TENM3: variants seen among roughly 807,000 people sequenced by gnomAD.
TENM3 encodes the protein teneurin transmembrane protein 3.
A neutral mutation model predicts 255.1 loss-of-function variants in TENM3; 63 were observed. The observed-to-expected ratio is 0.25, with a 90% CI of 0.20 to 0.30. TENM3 has a LOEUF of 0.30. Among genes scored for constraint, TENM3 ranks in the 10% least tolerant of loss-of-function variants. The pLI is 1.00. For synonymous variants in TENM3, 1,306 were observed against 1,322.3 expected (o/e 0.99, Z 0.27); for missense variants, 2,929 against 3,461.1 (o/e 0.85, Z 3.86).
the TENM3 span, among the ~76,000 whole-genome samples, chr4:181,531,055 A>C: frequency 6.6e-6 from 1 of 152,122 alleles, no homozygotes; most frequent in Middle Eastern, 3.2e-3. Flanking sequence ...ATAATGAATG[A>C]CTATTAGCAT....
At chr4:181,762,720 C>T in the TENM3 span, among the ~76,000 whole-genome samples, 5 of 152,244 alleles carry the variant, frequency 3.3e-5, no homozygotes, top group African/African-American at 1.2e-4. Flanking sequence ...ACCCCATTAT[C>T]AAAACTTCTT....
the TENM3 span, among the ~76,000 whole-genome samples, chr4:181,814,587 C>CGTGTGTGT: frequency 4.3e-3 from 636 of 149,484 alleles, 6 homozygotes; most frequent in African/African-American, 0.015. Context: ...TTTTTAAATG[C>CGTGTGTGT]GTGTGTGTGT....
At chr4:182,282,746 A>C (rs1196872853) in intron 1 of TENM3, among the ~76,000 whole-genome samples, 1 of 152,018 alleles carries the variant, frequency 6.6e-6, no homozygotes, top group African/African-American at 2.4e-5. Flanking sequence ...TACAAAAACT[A>C]GCTGGATGTG....
intron 3 of TENM3, among the ~76,000 whole-genome samples, chr4:182,386,163 T>C (rs1476411993): frequency 6.6e-6 from 1 of 152,238 alleles, no homozygotes; most frequent in Non-Finnish European, 1.5e-5. Flanking sequence ...AGTATCTTTG[T>C]GCCTTTTGTT....
At chr4:182,530,441 A>G (rs1051849440) in intron 3 of TENM3, among the ~76,000 whole-genome samples, 2 of 152,224 alleles carry the variant, frequency 1.3e-5, no homozygotes, top group Non-Finnish European at 2.9e-5. Flanking sequence ...GGGAATGTAC[A>G]CATTAAAGCT....
rs756823034 is a variant in TENM3, at chr4:182,751,898, C to T, written c.3728C>T (p.Ser1243Leu). The T allele has an allele frequency of 6.2e-7, 1 of 1,613,800 alleles. No homozygotes were observed. Among genetic ancestry groups the T allele is most frequent in the Non-Finnish European group, 8.5e-7 (1 of 1,179,860 alleles). The change falls in exon 20 of 28, where the codon TCA (serine) becomes TTA (leucine). Residue 1243 changes from serine to leucine, a missense_variant. By Grantham distance (145) the Ser-to-Leu change is moderately radical. Around this residue, in one of 6 missense-constraint regions of TENM3, gnomAD observed 1,608 missense variants for 1,884.4 expected, o/e 0.85. Coordinates refer to ENST00000511685, the MANE Select transcript of TENM3 (RefSeq NM_001080477.4). The stretch of plus-strand genomic sequence containing the variant: ...ACCCGCAGAATTTATCGCCCAAAGT[C>T]ACTTACGGGGGCAAAAGACTTGACT... ...TNTRRIYRPK[S>L]LTGAKDLTKN...
the TENM3 span, among the ~76,000 whole-genome samples, chr4:181,711,514 A>AT: frequency 6.6e-6 from 1 of 152,198 alleles, no homozygotes; most frequent in Admixed American, 6.5e-5. Flanking sequence ...AAACAATCCT[A>AT]TTTGACATTT....
At chr4:181,531,770 C>T in the TENM3 span, among the ~76,000 whole-genome samples, 13 of 152,254 alleles carry the variant, frequency 8.5e-5, no homozygotes, top group Middle Eastern at 3.4e-3. Flanking sequence ...TGTGTGTACA[C>T]GGGACTGGGG....
At chr4:181,913,118 C>G in the TENM3 span, among the ~76,000 whole-genome samples, 1 of 152,134 alleles carries the variant, frequency 6.6e-6, no homozygotes, top group Admixed American at 6.6e-5. Flanking sequence ...AGAAAATAGA[C>G]CGGGATGAGC....
the TENM3 span, among the ~76,000 whole-genome samples, chr4:181,678,984 C>T: frequency 6.6e-6 from 1 of 151,998 alleles, no homozygotes; most frequent in African/African-American, 2.4e-5. Flanking sequence ...TCTGTTAAAG[C>T]AAACTAAATA....
chr4:182,603,837 A>G (rs1262643860), intron 4 of TENM3, among the ~76,000 whole-genome samples: 1 of 149,496 alleles, frequency 6.7e-6, no homozygotes, highest in Non-Finnish European at 1.5e-5. Flanking sequence ...CTGCCACTTA[A>G]AGGTTATAAG....
At chr4:182,575,479 G>C (rs1026972986) in intron 3 of TENM3, among the ~76,000 whole-genome samples, 1 of 152,198 alleles carries the variant, frequency 6.6e-6, no homozygotes, top group Admixed American at 6.5e-5. Context: ...TGTTACGGAA[G>C]TAGATGGCAG....
At chr4:182,147,401 A>C (rs1750044446) in intron 1 of TENM3, among the ~76,000 whole-genome samples, 1 of 152,190 alleles carries the variant, frequency 6.6e-6, no homozygotes, top group African/African-American at 2.4e-5. Flanking sequence ...AACAAAGCCA[A>C]GTTTATTAGT....
intron 3 of TENM3, among the ~76,000 whole-genome samples, chr4:182,434,298 G>C (rs1771884349): frequency 6.6e-6 from 1 of 152,152 alleles, no homozygotes; most frequent in South Asian, 2.1e-4. Flanking sequence ...AGCAGGACCT[G>C]TTTTTGGAAA....
chr4:181,996,265 A>G, the TENM3 span, among the ~76,000 whole-genome samples: 4 of 152,124 alleles, frequency 2.6e-5, no homozygotes, highest in African/African-American at 9.7e-5. Flanking sequence ...GCAGACAGTG[A>G]AGGATGAAGT....
chr4:182,333,148 T>C (rs953882446), intron 2 of TENM3, among the ~76,000 whole-genome samples: 1 of 152,186 alleles, frequency 6.6e-6, no homozygotes, highest in Non-Finnish European at 1.5e-5. Flanking sequence ...GTTTAATGTT[T>C]AAAAATCTAT....
chr4:182,022,218 C>A, the TENM3 span, among the ~76,000 whole-genome samples: 1 of 151,914 alleles, frequency 6.6e-6, no homozygotes, highest in African/African-American at 2.4e-5. Context: ...TGCTATGCAG[C>A]CACAAACAGA....
chr4:181,808,997 C>T, the TENM3 span, among the ~76,000 whole-genome samples: 39 of 152,162 alleles, frequency 2.6e-4, no homozygotes, highest in South Asian at 1.0e-3. Flanking sequence ...ACAAAAGCCA[C>T]GCCAAATATT....
chr4:181,641,805 CATATATATATATATAT>C, the TENM3 span, among the ~76,000 whole-genome samples: 16 of 31,440 alleles, frequency 5.1e-4, no homozygotes, highest in African/African-American at 1.3e-3. Flanking sequence ...ACACACACAC[CATATATATATATATAT>C]ATATATATAT....
Sources: gnomAD v4.1 joint callset for allele counts (sites outside exome capture counted in the v4.1 genomes callset) on GRCh38, gnomAD v4.1.1 for gene constraint, gnomAD v4.1.1 regional missense constraint, MANE v1.5 for transcripts, NCBI Gene and HGNC (gene_info 2026-07-23, HGNC 2026-07-21) for gene names.